RGS5: variants seen among roughly 807,000 people sequenced by gnomAD.
RGS5 encodes regulator of G protein signaling 5.
RGS5 carries 20 observed loss-of-function variants against 18.9 expected under a neutral mutation model. The ratio of observed to expected loss-of-function variants is 1.06; its 90% CI spans 0.74 to 1.54. RGS5 has a LOEUF of 1.54. Ranked by LOEUF, RGS5 falls within the 40% of genes most tolerant of loss-of-function variation. The pLI is 0.00. For synonymous variants in RGS5, 57 were observed against 76.2 expected, an observed-to-expected ratio of 0.75 and a Z score of 1.31; for missense variants, 201 against 211.8, an observed-to-expected ratio of 0.95 and a Z score of 0.32.
chr1:163,294,391 T>C (rs1227979623), intron 2 of RGS5, among the ~76,000 whole-genome samples: 2 of 152,234 alleles, frequency 1.3e-5, no homozygotes, highest in Non-Finnish European at 2.9e-5. Flanking sequence ...CGTTACGCCA[T>C]CTGAAACATG....
intron 2 of RGS5, among the ~76,000 whole-genome samples, chr1:163,223,936 A>T (rs1015622822): frequency 6.6e-6 from 1 of 152,178 alleles, no homozygotes; most frequent in African/African-American, 2.4e-5. Flanking sequence ...TTTAATGAAT[A>T]CATAATAATC....
Position 163,202,456 on chromosome 1 carries a change from C to A in RGS5, c.44+336G>T, listed in dbSNP as rs542067459. On this transcript the variant is annotated intron_variant, in intron 1 of 4. Coordinates refer to ENST00000313961, the MANE Select transcript of RGS5 (RefSeq NM_003617.4). ...AATAGTAAGTAGTAGAGCCAGGGTT[C>A]TAATCTAGACAGTTTAATGTTGGAA... Among the ~76,000 whole-genome samples the A allele has an allele frequency of 4.5e-4, 69 of 152,212 alleles. 1 individual carries two copies. In the Middle Eastern group the frequency reaches 0.014, roughly 30 times the overall value.
At chr1:163,291,713 C>T (rs1649293156) in intron 2 of RGS5, among the ~76,000 whole-genome samples, 1 of 152,110 alleles carries the variant, frequency 6.6e-6, no homozygotes, top group Non-Finnish European at 1.5e-5. Flanking sequence ...AGCTTAGACT[C>T]CCTATGATTT....
intron 2 of RGS5, among the ~76,000 whole-genome samples, chr1:163,256,549 T>A (rs1413557195): frequency 1.3e-5 from 2 of 152,204 alleles, no homozygotes; most frequent in Non-Finnish European, 2.9e-5. Context: ...AAGAGTATCA[T>A]TAAAACTGGG....
At chr1:163,283,117 T>C (rs1028116909) in intron 2 of RGS5, among the ~76,000 whole-genome samples, 2 of 152,046 alleles carry the variant, frequency 1.3e-5, no homozygotes. Context: ...AATGTGGTTA[T>C]TAGATCCTGG....
intron 4 of RGS5, among the ~76,000 whole-genome samples, chr1:163,151,024 A>G (rs1433120734): frequency 6.6e-6 from 1 of 152,178 alleles, no homozygotes; most frequent in Non-Finnish European, 1.5e-5. Flanking sequence ...AGACTGGATT[A>G]AAAGAAACAA....
chr1:163,143,436 A>G lies in RGS5; in HGVS notation c.*3906T>C, dbSNP rs1254011158. 2 of 152,158 alleles carry G rather than the reference A, an allele frequency of 1.3e-5. No individual in the cohort carries two copies. The highest frequency in any genetic ancestry group is 2.9e-5 in the Non-Finnish European group (2 of 68,008). 9.4% of individuals were successfully genotyped at this position (152,158 alleles called of 1,614,324 possible). A position where few individuals can be genotyped will look rare whatever the true frequency, so the allele number is the denominator to read the frequency against. ...GCCAGATATGGACAGGAAACCCTCA[A>G]TATTTATTCATTTTTCTAGTCAAGG... On this transcript the variant is annotated 3_prime_UTR_variant, in exon 5 of 5. Transcript: ENST00000313961.
At chr1:163,229,223 G>A (rs1046795399) in intron 2 of RGS5, among the ~76,000 whole-genome samples, 1 of 152,138 alleles carries the variant, frequency 6.6e-6, no homozygotes, top group Non-Finnish European at 1.5e-5. Flanking sequence ...TATCGCTGGG[G>A]AGGCCTCAGG....
At chr1:163,179,843 G>A (rs565862131) in intron 1 of RGS5, among the ~76,000 whole-genome samples, 129 of 152,260 alleles carry the variant, frequency 8.5e-4, no homozygotes, top group African/African-American at 3.1e-3. Context: ...AATGCCTTGT[G>A]AATGGCACCA....
At position 163,234,954 on chromosome 1, in the gene RGS5, A is replaced by AT. The variant is rs144940542; in HGVS notation, c.-280-66587dup. Reference sequence around the variant, plus strand: ...AAAGATTGGAGGTAGAAGCTACAAGATATCACTGTGCCAGCCTTCAGAAAT... The same window carrying AT: ...AAAGATTGGAGGTAGAAGCTACAAGATTATCACTGTGCCAGCCTTCAGAAAT... On this transcript the variant is annotated intron_variant, in intron 2 of 5. Transcript: ENST00000618415. Among the ~76,000 whole-genome samples the AT allele has an allele frequency of 2.2e-3, 330 of 152,324 alleles. 1 individual carries two copies. Among genetic ancestry groups the AT allele is most frequent in the African/African-American group, 7.8e-3 (324 of 41,558 alleles).
Position 163,202,418 on chromosome 1 carries a change from T to C in RGS5, c.44+374A>G, listed in dbSNP as rs556920339. 5.3e-5 allele frequency among the ~76,000 whole-genome samples: 8 copies of C among 152,250 alleles called. No individual in the cohort carries two copies. In the East Asian group the frequency reaches 1.4e-3, roughly 26 times the overall value. On this transcript the variant is annotated intron_variant, in intron 1 of 4. Transcript: ENST00000313961. ...ATAGAGGTTAAATAAATTGCCCAAA[T>C]AGTACTTACACAAATAGTAAGTAGT...
At chr1:163,199,495 G>A (rs1482245568) in intron 1 of RGS5, among the ~76,000 whole-genome samples, 3 of 151,900 alleles carry the variant, frequency 2.0e-5, no homozygotes, top group Non-Finnish European at 2.9e-5. Flanking sequence ...TACTTTATGC[G>A]GCAGATTTTT....
intron 3 of RGS5, among the ~76,000 whole-genome samples, chr1:163,155,019 T>G (rs1167236798): frequency 6.6e-6 from 1 of 152,072 alleles, no homozygotes; most frequent in African/African-American, 2.4e-5. Flanking sequence ...ACAAAAGGTG[T>G]CAGATAGTCT....
intron 2 of RGS5, among the ~76,000 whole-genome samples, chr1:163,224,015 T>C (rs570978725): frequency 7.6e-4 from 116 of 152,334 alleles, no homozygotes; most frequent in Middle Eastern, 3.4e-3. Flanking sequence ...CAAATCATGG[T>C]AATTAGCATG....
At chr1:163,302,388 C>A (rs1174953300) in intron 2 of RGS5, among the ~76,000 whole-genome samples, 1 of 152,108 alleles carries the variant, frequency 6.6e-6, no homozygotes, top group Non-Finnish European at 1.5e-5. Context: ...GTGATTTTCC[C>A]ACTTACCTAT....
intron 2 of RGS5, among the ~76,000 whole-genome samples, chr1:163,295,713 T>A (rs1048808151): frequency 6.6e-6 from 1 of 152,192 alleles, no homozygotes; most frequent in Non-Finnish European, 1.5e-5. Flanking sequence ...CTTGAATCCA[T>A]CCTGAAGTGG....
rs149203838 is a variant in RGS5 at position 163,196,900 on chromosome 1, T to A, written c.44+5892A>T. Among the ~76,000 whole-genome samples, 494 of 152,296 alleles carry A rather than the reference T, an allele frequency of 3.2e-3. 3 individuals are homozygous for A. The highest frequency in any genetic ancestry group is 0.011 in the African/African-American group (477 of 41,574). ...GGAAAGCAGAGGAAATACCAAGCTG[T>A]CCTAGAAGTGCTCTTGTCTCTATTT... On this transcript the variant is annotated intron_variant, in intron 1 of 4. Coordinates refer to ENST00000313961, the MANE Select transcript of RGS5 (RefSeq NM_003617.4).
intron 3 of RGS5, among the ~76,000 whole-genome samples, chr1:163,161,152 A>G (rs1657782914): frequency 1.3e-5 from 2 of 152,232 alleles, no homozygotes; most frequent in African/African-American, 2.4e-5. Flanking sequence ...AGATATGAGT[A>G]AAAGATATTC....
chr1:163,251,974 A>G (rs1255234528), intron 2 of RGS5, among the ~76,000 whole-genome samples: 1 of 152,152 alleles, frequency 6.6e-6, no homozygotes, highest in African/African-American at 2.4e-5. Context: ...ATTCATATAC[A>G]TGTATTTTTG....
Sources: allele counts gnomAD v4.1 joint callset (sites outside exome capture counted in the v4.1 genomes callset), GRCh38; gene constraint gnomAD v4.1.1; transcripts MANE v1.5; gene names NCBI Gene and HGNC (gene_info 2026-07-23, HGNC 2026-07-21).